The following EIF4E1B variants were observed in gnomAD, a reference collection of about 807,000 sequenced individuals.
EIF4E1B encodes the protein eukaryotic translation initiation factor 4E type 1B.
Under a neutral mutation model 31.3 loss-of-function variants are expected in EIF4E1B, and 22 were observed. That is an observed-to-expected ratio of 0.70 (90% CI 0.50 to 1.00). EIF4E1B has a LOEUF of 1.00. Ranked by LOEUF, EIF4E1B falls within the 50% of genes least tolerant of loss-of-function variation. EIF4E1B has a pLI of 0.00. For synonymous variants in EIF4E1B, 126 were observed against 120.2 expected (o/e 1.05, Z -0.31); for missense variants, 290 against 311.6 (o/e 0.93, Z 0.52).
chr5:176,640,591 GACT>G (rs939452205), intron 1 of EIF4E1B, among the ~76,000 whole-genome samples: 1 of 152,082 alleles, frequency 6.6e-6, no homozygotes, highest in African/African-American at 2.4e-5. Context: ...TCACCTGGAC[GACT>G]ACATTAGCAT....
At chr5:176,631,802 C>T (rs933141591) in intron 1 of EIF4E1B, among the ~76,000 whole-genome samples, 4 of 152,220 alleles carry the variant, frequency 2.6e-5, no homozygotes, top group Admixed American at 2.6e-4. Context: ...AACAGCTCCC[C>T]TTCCAGGAAT....
Position 176,643,067 on chromosome 5 carries a change from CT to C in EIF4E1B, c.16-8del, listed in dbSNP as rs759017157. On this transcript the variant is annotated splice_polypyrimidine_tract_variant and intron_variant, in intron 3 of 8. Transcript: ENST00000318682. Reference sequence around the variant, plus strand: ...CAGAGCTCACAACCCATCCTGACTCCTTTTTTTGGCTCAGGTGAGTGAAGCT... The same window carrying C: ...CAGAGCTCACAACCCATCCTGACTCCTTTTTTGGCTCAGGTGAGTGAAGCT... 18 of 1,599,116 alleles carry C rather than the reference CT, an allele frequency of 1.1e-5. No homozygotes were observed. Among genetic ancestry groups the C allele is most frequent in the Middle Eastern group, 1.7e-4 (1 of 5,982 alleles).
chr5:176,644,982 T>A, intron 6 of EIF4E1B, 148 bp from the exon 7 acceptor site: 2 of 662,578 alleles, frequency 3.0e-6, no homozygotes. Context: ...TGGCTGGGGG[T>A]GGAACCTGCT....
intron 6 of EIF4E1B, 155 bp downstream of exon 6, chr5:176,644,594 G>A: frequency 2.3e-6 from 2 of 871,818 alleles, no homozygotes; most frequent in Non-Finnish European, 3.5e-6. Flanking sequence ...ATGCTCTACA[G>A]GAGCCCGGAC....
At chr5:176,637,889 C>T (rs1237348492) in intron 1 of EIF4E1B, among the ~76,000 whole-genome samples, 2 of 152,116 alleles carry the variant, frequency 1.3e-5, no homozygotes, top group African/African-American at 2.4e-5. Flanking sequence ...GTTCAGAGGC[C>T]ATCACCATCA....
At position 176,642,860 on chromosome 5, in the gene EIF4E1B, C is replaced by CT. The variant is rs1026342887; in HGVS notation, c.15+58_15+59insT. 103 of 1,308,420 alleles carry CT rather than the reference C, an allele frequency of 7.9e-5. 5 individuals are homozygous for CT. The highest frequency in any genetic ancestry group is 1.2e-4 in the South Asian group (7 of 58,522). The allele number at this position is 1,308,420 out of a possible 1,614,324, so 81.1% of individuals were successfully genotyped here. A position where few individuals can be genotyped will look rare whatever the true frequency, so the allele number is the denominator to read the frequency against. ...CCATGGCCCCGCCCTCTCCCCCCCC[C>CT]CCCCCGCCCCAGGTGGGCGGGGCAG... On this transcript the variant is annotated intron_variant, in intron 3 of 8. Transcript: ENST00000318682.
In EIF4E1B at chr5:176,644,415, T is replaced by C; in HGVS notation, c.336T>C (p.Ser112=). Residue 112 remains serine, a synonymous_variant, in exon 6 of 9, where the codon TCT becomes TCC. Transcript: ENST00000318682. ...TCCAGCTGGCCAGCAAGCTCTCCTCTGGCTGTGACTACGCCCTCTTCAAGG... is the reference window on the plus strand; with the variant it reads ...TCCAGCTGGCCAGCAAGCTCTCCTCCGGCTGTGACTACGCCCTCTTCAAGG... ...SHIQLASKLS[S]GCDYALFKDG... 6.3e-7 allele frequency: 1 copy of C among 1,595,982 alleles called. No homozygotes were observed. The highest frequency in any genetic ancestry group is 8.5e-7 in the Non-Finnish European group (1 of 1,171,224).
In EIF4E1B at chr5:176,645,345, G is replaced by C; in HGVS notation, c.475-32G>C. 1 of 1,544,902 alleles carries C rather than the reference G, an allele frequency of 6.5e-7. No homozygotes were observed. Among genetic ancestry groups the C allele is most frequent in the Non-Finnish European group, 8.8e-7 (1 of 1,141,912 alleles). Reference sequence around the variant, plus strand: ...GCAGGCCAGTCCCTATGTCCCAGCCGGTGATCTCACAACCCCCTACTTCGG... The same window carrying C: ...GCAGGCCAGTCCCTATGTCCCAGCCCGTGATCTCACAACCCCCTACTTCGG... On this transcript the variant is annotated intron_variant, in intron 7 of 8. Coordinates refer to ENST00000318682, the MANE Select transcript of EIF4E1B (RefSeq NM_001099408.2). The surrounding 1 kb of genome is among the most constrained non-coding windows in gnomAD (Gnocchi z 5.4).
intron 3 of EIF4E1B, 62 bp downstream of exon 3, chr5:176,642,864 C>CTT: frequency 7.3e-7 from 1 of 1,362,966 alleles, no homozygotes; most frequent in African/African-American, 1.7e-5. Context: ...CCCCCCCCCC[C>CTT]CGCCCCAGGT....
Position 176,643,659 on chromosome 5 carries a change from A to T in EIF4E1B, c.221A>T (p.Lys74Met), listed in dbSNP as rs752064162. 1 of 1,610,834 alleles carries T rather than the reference A, an allele frequency of 6.2e-7. No individual in the cohort carries two copies. The highest frequency in any genetic ancestry group is 2.2e-5 in the East Asian group (1 of 44,800). ...ACCAGGTGGGCTCTGTGGTTCTTCA[A>T]GAATGACCGCAGCCGGGCCTGGCAG... ...LQNRWALWFF[K>M]NDRSRAWQDN... is the part of the protein sequence containing the mutation. The change falls in exon 5 of 9, where the codon AAG (lysine) becomes ATG (methionine). Residue 74 changes from lysine (K) to methionine (M), a missense_variant. Coordinates refer to ENST00000318682, the MANE Select transcript of EIF4E1B (RefSeq NM_001099408.2).
intron 1 of EIF4E1B, among the ~76,000 whole-genome samples, chr5:176,639,758 AT>A (rs60180665): frequency 0.011 from 1,563 of 148,770 alleles, 32 homozygotes; most frequent in African/African-American, 0.035. Flanking sequence ...CCTCATCTCT[AT>A]TTTTTTTTTA....
At chr5:176,641,379 C>T (rs1374603776) in intron 1 of EIF4E1B, among the ~76,000 whole-genome samples, 1 of 152,088 alleles carries the variant, frequency 6.6e-6, no homozygotes, top group African/African-American at 2.4e-5. Flanking sequence ...AGCCCAAGCC[C>T]AGAACTAAGG....
In EIF4E1B at chr5:176,644,386, C is replaced by A; in HGVS notation, c.307C>A (p.His103Asn). The change falls in exon 6 of 9, where the codon CAC (histidine) becomes AAC (asparagine). Residue 103 changes from histidine (H) to asparagine (N), a missense_variant. Transcript: ENST00000318682. The stretch of plus-strand genomic sequence containing the variant: ...GGGGGCTCTGTCCAGGCTATACAGT[C>A]ACATCCAGCTGGCCAGCAAGCTCTC... The part of the protein sequence containing the change: ...TVEDFWALYS[H>N]IQLASKLSSG... The A allele has an allele frequency of 6.3e-7, 1 of 1,591,396 alleles. No homozygotes were observed. Among genetic ancestry groups the A allele is most frequent in the South Asian group, 1.1e-5 (1 of 87,234 alleles).
In EIF4E1B at chr5:176,645,458, G is replaced by T. The variant is rs755120311; in HGVS notation, c.556G>T (p.Asp186Tyr). The T allele has an allele frequency of 2.0e-5, 30 of 1,517,890 alleles. No homozygotes were observed. Among genetic ancestry groups the T allele is most frequent in the Non-Finnish European group, 2.6e-6 (3 of 1,134,044 alleles). 94.0% of individuals were successfully genotyped at this position (1,517,890 alleles called of 1,614,324 possible). A position where few individuals can be genotyped will look rare whatever the true frequency, so the allele number is the denominator to read the frequency against. The change falls in exon 8 of 9, where the codon GAC becomes TAC. Residue 186 changes from aspartate to tyrosine, a missense_variant. Coordinates refer to ENST00000318682, the MANE Select transcript of EIF4E1B (RefSeq NM_001099408.2). The surrounding 1 kb of genome is among the most constrained non-coding windows in gnomAD (Gnocchi z 5.4). Reference protein sequence around the residue: ...GAVVNIRTKGDKIAVWTREAE... With the variant: ...GAVVNIRTKGYKIAVWTREAE... ...CGTCGTCAACATCCGCACCAAGGGG[G>T]ACAAGATCGCTGTGTGGACGAGGGA...
At chr5:176,642,833 C>T in intron 3 of EIF4E1B, 31 bp downstream of exon 3, 1 of 1,518,264 alleles carries the variant, frequency 6.6e-7, no homozygotes, top group Non-Finnish European at 8.8e-7. Flanking sequence ...ACCCCCAGTG[C>T]ACCATGGCCC....
In EIF4E1B at chr5:176,643,266, G is replaced by A. The variant is rs754665422; in HGVS notation, c.200G>A (p.Arg67Lys). The A allele has an allele frequency of 3.1e-6, 5 of 1,611,556 alleles. No individual in the cohort carries two copies. The highest frequency in any genetic ancestry group is 4.2e-6 in the Non-Finnish European group (5 of 1,179,712). The change falls in exon 4 of 9, where the codon AGG (arginine) becomes AAG (lysine). Residue 67 changes from arginine (R) to lysine (K), a missense_variant and splice_region_variant. Transcript: ENST00000318682. Reference sequence around the variant, plus strand: ...CTGGAGCTGCACCCCTTGCAGAACAGGTAGGCAGGAGCCTGCGAGTGGAAC... The same window carrying A: ...CTGGAGCTGCACCCCTTGCAGAACAAGTAGGCAGGAGCCTGCGAGTGGAAC... ...VKLELHPLQN[R>K]WALWFFKNDR...
chr5:176,645,199 AAGC>A lies in EIF4E1B; in HGVS notation c.437_439del (p.Gln146del), dbSNP rs745392167. ...TGGCCGCTGGCTGGTCAGCCTGGCCAAGCAGCAGCGCCACATTGAGCTGGACCG... is the reference window on the plus strand; with the variant it reads ...TGGCCGCTGGCTGGTCAGCCTGGCCAAGCAGCGCCACATTGAGCTGGACCG... On this transcript the variant is annotated inframe_deletion, in exon 7 of 9. Transcript: ENST00000318682. This position sits in a 1 kb window ranked among gnomAD's most constrained non-coding sequence, Gnocchi z 5.4. The A allele has an allele frequency of 6.3e-7, 1 of 1,587,512 alleles. No individual in the cohort carries two copies. The highest frequency in any genetic ancestry group is 8.6e-7 in the Non-Finnish European group (1 of 1,167,372).
chr5:176,639,923 AAAC>A (rs1581185314), intron 1 of EIF4E1B, among the ~76,000 whole-genome samples: 1 of 152,138 alleles, frequency 6.6e-6, no homozygotes, highest in South Asian at 2.1e-4. Flanking sequence ...CACTGTCTCA[AAAC>A]AACAACAACA....
chr5:176,634,867 A>G (rs1053148472), intron 1 of EIF4E1B, among the ~76,000 whole-genome samples: 6 of 151,910 alleles, frequency 3.9e-5, no homozygotes, highest in African/African-American at 1.5e-4. Context: ...ACAGGGTTTC[A>G]CCATGTTGGC....
Sources: gnomAD v4.1 joint callset for allele counts (sites outside exome capture counted in the v4.1 genomes callset) on GRCh38, gnomAD v4.1.1 for gene constraint, Gnocchi (gnomAD v3.1) non-coding constraint, MANE v1.5 for transcripts, NCBI Gene and HGNC (gene_info 2026-07-23, HGNC 2026-07-21) for gene names.